Variants in AAK1 observed in about 807,000 individuals in gnomAD.
The protein encoded by AAK1 is AP2-associated protein kinase 1.
In AAK1, 37 loss-of-function variants were observed where a neutral mutation model predicts 116.0. The observed-to-expected ratio is 0.32, with a 90% CI of 0.25 to 0.42. The LOEUF is 0.42. Ranked by LOEUF, AAK1 falls within the 10% of genes least tolerant of loss-of-function variation. The pLI is 1.00. For synonymous variants in AAK1, 458 were observed against 439.9 expected (o/e 1.04, Z -0.51); for missense variants, 919 against 1,170.6 (o/e 0.79, Z 3.14).
At chr2:69,538,331 G>A (rs984511096) in intron 5 of AAK1, among the ~76,000 whole-genome samples, 2 of 152,210 alleles carry the variant, frequency 1.3e-5, no homozygotes, top group East Asian at 1.9e-4. Context: ...CTTGTGGGCT[G>A]TTCAGTGCAG....
Position 69,507,410 on chromosome 2 carries a change from A to G in AAK1, c.2164+11T>C. The G allele has an allele frequency of 1.2e-6, 2 of 1,609,842 alleles. No individual in the cohort carries two copies. Among genetic ancestry groups the G allele is most frequent in the Non-Finnish European group, 1.7e-6 (2 of 1,178,108 alleles). On this transcript the variant is annotated intron_variant, in intron 15 of 21. Coordinates refer to ENST00000409085, the MANE Select transcript of AAK1 (RefSeq NM_014911.5). ...AATCAAGAAGCACAAAAAAAGACAC[A>G]GCTTACTCACCTTCCCCAAGCTTGG...
intron 3 of AAK1, among the ~76,000 whole-genome samples, chr2:69,549,222 A>G (rs894889880): frequency 6.6e-6 from 1 of 152,098 alleles, no homozygotes; most frequent in African/African-American, 2.4e-5. Context: ...CACAAAAATT[A>G]GCCAGGCGTG....
chr2:69,495,952 C>G, intron 17 of AAK1, 33 bp downstream of exon 17: 2 of 1,522,666 alleles, frequency 1.3e-6, no homozygotes, highest in Non-Finnish European at 8.9e-7. Context: ...GCAAATCAAG[C>G]TGCTTAACCT....
At chr2:69,581,915 G>C (rs562428898) in intron 2 of AAK1, among the ~76,000 whole-genome samples, 1 of 152,176 alleles carries the variant, frequency 6.6e-6, no homozygotes, top group East Asian at 1.9e-4. Flanking sequence ...CCAGGTGGTT[G>C]AAGCTGCAGT....
intron 2 of AAK1, among the ~76,000 whole-genome samples, chr2:69,588,750 T>C (rs1572984361): frequency 6.6e-6 from 1 of 152,174 alleles, no homozygotes; most frequent in Non-Finnish European, 1.5e-5. Context: ...AACAGGCTGG[T>C]CTTATTGAGT....
chr2:69,528,888 C>A (rs1330102993), intron 8 of AAK1, among the ~76,000 whole-genome samples: 4 of 152,150 alleles, frequency 2.6e-5, no homozygotes, highest in African/African-American at 7.2e-5. Context: ...TATTTCCTAC[C>A]AATCTCACTT....
intron 2 of AAK1, among the ~76,000 whole-genome samples, chr2:69,557,616 G>C (rs1671442916): frequency 6.6e-6 from 1 of 152,088 alleles, no homozygotes; most frequent in South Asian, 2.1e-4. Context: ...TGATGCTCTT[G>C]TTTAATTCTT....
intron 5 of AAK1, among the ~76,000 whole-genome samples, chr2:69,540,256 G>C (rs900221661): frequency 6.6e-6 from 1 of 151,858 alleles, no homozygotes; most frequent in Non-Finnish European, 1.5e-5. Context: ...TAAGTAGCTG[G>C]GATTACAGGT....
chr2:69,526,588 G>A (rs548943628), intron 9 of AAK1, among the ~76,000 whole-genome samples: 7 of 152,228 alleles, frequency 4.6e-5, no homozygotes, highest in East Asian at 3.9e-4. Flanking sequence ...GATTACAGAC[G>A]TGAGCCACCA....
Position 69,519,105 on chromosome 2 carries a change from T to G in AAK1, c.1346A>C (p.Gln449Pro), listed in dbSNP as rs1263331415. The G allele has an allele frequency of 6.4e-7, 1 of 1,554,088 alleles. No homozygotes were observed. Among genetic ancestry groups the G allele is most frequent in the Admixed American group, 2.0e-5 (1 of 51,132 alleles). The change falls in exon 12 of 22, where the codon CAG (glutamine) becomes CCG (proline). Residue 449 changes from glutamine (Q) to proline (P), a missense_variant. Transcript: ENST00000409085. The stretch of plus-strand genomic sequence containing the variant: ...GGCCTGAGCGGGCAGACCCTGGGCC[T>G]GAGTAGAAGGCGTCTGCTGTGGAGT... Reference protein sequence around the residue: ...PPTPQQTPSTQAQGLPAQAQA... With the variant: ...PPTPQQTPSTPAQGLPAQAQA...
intron 3 of AAK1, among the ~76,000 whole-genome samples, chr2:69,555,203 C>T (rs1405808852): frequency 1.3e-5 from 2 of 152,184 alleles, no homozygotes; most frequent in African/African-American, 4.8e-5. Context: ...AAGGAAGATA[C>T]AGCAAGAACA....
At chr2:69,614,974 T>C (rs1224054864) in intron 2 of AAK1, among the ~76,000 whole-genome samples, 1 of 152,208 alleles carries the variant, frequency 6.6e-6, no homozygotes, top group Admixed American at 6.5e-5. Flanking sequence ...TTCTCACTTC[T>C]GGCCTCCAGA....
At chr2:69,508,519 C>T (rs1464041404) in intron 14 of AAK1, among the ~76,000 whole-genome samples, 1 of 152,220 alleles carries the variant, frequency 6.6e-6, no homozygotes, top group Non-Finnish European at 1.5e-5. Flanking sequence ...GGCACAGAAC[C>T]AGTCACTGGA....
At chr2:69,581,104 G>GT (rs973002797) in intron 2 of AAK1, among the ~76,000 whole-genome samples, 17 of 152,148 alleles carry the variant, frequency 1.1e-4, no homozygotes, top group African/African-American at 4.1e-4. Flanking sequence ...AAAAGGTTTT[G>GT]TTTTTTAATT....
chr2:69,544,481 T>C lies in AAK1; in HGVS notation c.346A>G (p.Ser116Gly). ...ATGAGCACTTCCCATACATCACCGC[T>C]ACTCACGTTGTTGATACTAGAATCA... is the stretch of plus-strand genomic sequence containing the variant. Reference protein sequence around the residue: ...YIDSSINNVSSGDVWEVLILM... With the variant: ...YIDSSINNVSGGDVWEVLILM... The change falls in exon 4 of 22, where the codon AGC becomes GGC. Residue 116 changes from serine to glycine, a missense_variant. By Grantham distance (56) the Ser-to-Gly change is moderately conservative. Transcript: ENST00000409085. 6.8e-6 allele frequency: 11 copies of C among 1,613,884 alleles called. No homozygotes were observed. The highest frequency in any genetic ancestry group is 9.3e-6 in the Non-Finnish European group (11 of 1,179,798).
intron 17 of AAK1, among the ~76,000 whole-genome samples, chr2:69,494,187 T>C (rs984742193): frequency 1.3e-5 from 2 of 152,064 alleles, no homozygotes; most frequent in Admixed American, 6.5e-5. Flanking sequence ...CTTGGCTTAA[T>C]TGGTATTAAA....
intron 21 of AAK1, 142 bp downstream of exon 21, chr2:69,476,738 G>A: frequency 3.3e-6 from 2 of 604,004 alleles, no homozygotes; most frequent in Non-Finnish European, 5.9e-6. Context: ...ATCTCTATTG[G>A]TCCAGCCTAC....
intron 2 of AAK1, among the ~76,000 whole-genome samples, chr2:69,612,084 G>A (rs562293359): frequency 6.6e-5 from 10 of 152,276 alleles, no homozygotes; most frequent in African/African-American, 1.9e-4. Flanking sequence ...GTGGTCATGA[G>A]TACACAATAA....
At position 69,468,486 on chromosome 2, in the gene AAK1, C is replaced by T; in HGVS notation, c.*7383G>A. On this transcript the variant is annotated 3_prime_UTR_variant, in exon 22 of 22. Transcript: ENST00000409085. ...AAGCACAATTTCTCATCTTCCAAAACTACCTTGAAAGTTGATGTTATTAAG... is the reference window on the plus strand; with the variant it reads ...AAGCACAATTTCTCATCTTCCAAAATTACCTTGAAAGTTGATGTTATTAAG... The T allele has an allele frequency of 1.0e-6, 1 of 985,418 alleles. No homozygotes were observed. The allele number at this position is 985,418 out of a possible 1,614,324, so 61.0% of individuals were successfully genotyped here. A position where few individuals can be genotyped will look rare whatever the true frequency, so the allele number is the denominator to read the frequency against.
Sources: allele counts gnomAD v4.1 joint callset (sites outside exome capture counted in the v4.1 genomes callset), GRCh38; gene constraint gnomAD v4.1.1; transcripts MANE v1.5; gene names NCBI Gene and HGNC (gene_info 2026-07-23, HGNC 2026-07-21).